The following PLGRKT variants were observed in gnomAD, a reference collection of about 807,000 sequenced individuals.
The protein encoded by PLGRKT is plasminogen receptor with a C-terminal lysine.
PLGRKT carries 22 observed loss-of-function variants against 18.5 expected under a neutral mutation model. The observed-to-expected ratio is 1.19, with a 90% CI of 0.85 to 1.70. The LOEUF (loss-of-function observed/expected upper bound fraction) is 1.70, where lower values mean the gene tolerates loss of function less well. Among genes scored for constraint, PLGRKT ranks in the 40% most tolerant of loss-of-function variants. The pLI is 0.00. For synonymous variants in PLGRKT, 72 were observed against 52.8 expected, an observed-to-expected ratio of 1.36 and a Z score of -1.58; for missense variants, 235 against 174.4, an observed-to-expected ratio of 1.35 and a Z score of -1.96.
chr9:5,400,927 G>GT (rs1336133660), intron 3 of PLGRKT, among the ~76,000 whole-genome samples: 2 of 151,916 alleles, frequency 1.3e-5, no homozygotes, highest in East Asian at 3.8e-4. Flanking sequence ...ATGCCTAAGT[G>GT]TAAGGGTAAG....
intron 3 of PLGRKT, among the ~76,000 whole-genome samples, chr9:5,401,953 T>G (rs899066756): frequency 6.6e-6 from 1 of 151,662 alleles, no homozygotes; most frequent in African/African-American, 2.4e-5. Context: ...ATGTTTAGTG[T>G]GGATTTTTTT....
intron 3 of PLGRKT, among the ~76,000 whole-genome samples, chr9:5,429,688 A>T (rs12335721): frequency 0.03 from 4,546 of 152,266 alleles, 202 homozygotes; most frequent in African/African-American, 0.1. Flanking sequence ...CCTCATTTTA[A>T]CTTGATTACC....
At position 5,436,664 on chromosome 9, in the gene PLGRKT, GGAA is replaced by G. The variant is rs1473090655; in HGVS notation, c.-105_-103del. 2 of 152,198 alleles carry G rather than the reference GGAA, an allele frequency of 1.3e-5. No individual in the cohort carries two copies. The highest frequency in any genetic ancestry group is 2.9e-5 in the Non-Finnish European group (2 of 68,048). 9.4% of individuals were successfully genotyped at this position (152,198 alleles called of 1,614,324 possible). ...AAGGGTTAAAGGTGGAAGCCAAGCAGGAAGAAGAGCTTCCTTATGGGAAACCAC... is the reference window on the plus strand; with the variant it reads ...AAGGGTTAAAGGTGGAAGCCAAGCAGGAAGAGCTTCCTTATGGGAAACCAC... On this transcript the variant is annotated 5_prime_UTR_variant, in exon 2 of 6. Transcript: ENST00000223864.
chr9:5,436,720 C>A (rs1329546179), intron 1 of PLGRKT, 26 bp from the exon 2 acceptor site: 1 of 152,160 alleles, frequency 6.6e-6, no homozygotes, highest in African/African-American at 2.4e-5. Flanking sequence ...TGCATCACAC[C>A]TTGTAAATTT....
At chr9:5,403,003 G>A (rs559218534) in intron 3 of PLGRKT, among the ~76,000 whole-genome samples, 1 of 151,880 alleles carries the variant, frequency 6.6e-6, no homozygotes, top group South Asian at 2.1e-4. Context: ...AACCCTAGCA[G>A]GAAAAATAGT....
At chr9:5,367,096 G>T (rs1462799857) in intron 3 of PLGRKT, among the ~76,000 whole-genome samples, 1 of 146,956 alleles carries the variant, frequency 6.8e-6, no homozygotes, top group African/African-American at 2.5e-5. Flanking sequence ...ATCAGAGACA[G>T]CACAAACAAA....
intron 3 of PLGRKT, among the ~76,000 whole-genome samples, chr9:5,426,741 G>C (rs1818709494): frequency 6.6e-6 from 1 of 152,138 alleles, no homozygotes; most frequent in Admixed American, 6.5e-5. Context: ...TCCCAGAGTT[G>C]TGTTTGCAGT....
At position 5,431,767 on chromosome 9, in the gene PLGRKT, C is replaced by T. The variant is rs1029083665; in HGVS notation, c.81+130G>A. On this transcript the variant is annotated intron_variant, in intron 3 of 5. Transcript: ENST00000223864. The stretch of plus-strand genomic sequence containing the variant: ...CCAGATAATTAGTAAGCCATTTTAT[C>T]TTGGTTTTAAGGATGCAGCCCAAAG... 5.1e-6 allele frequency: 3 copies of T among 590,580 alleles called. No homozygotes were observed. In the African/African-American group the frequency reaches 5.6e-5, roughly 11 times the overall value. 36.6% of individuals were successfully genotyped at this position (590,580 alleles called of 1,614,324 possible).
intron 3 of PLGRKT, among the ~76,000 whole-genome samples, chr9:5,424,379 A>T (rs1159157287): frequency 1.5e-5 from 2 of 132,524 alleles, no homozygotes; most frequent in East Asian, 3.9e-4. Flanking sequence ...GTAATAATAT[A>T]TAACATATTA....
At chr9:5,412,022 C>T (rs918618455) in intron 3 of PLGRKT, among the ~76,000 whole-genome samples, 13 of 152,092 alleles carry the variant, frequency 8.5e-5, no homozygotes, top group African/African-American at 3.1e-4. Context: ...AGAAAAACTA[C>T]AATGGTATAG....
At chr9:5,369,060 G>C (rs1237966495) in intron 3 of PLGRKT, among the ~76,000 whole-genome samples, 1 of 152,144 alleles carries the variant, frequency 6.6e-6, no homozygotes, top group Non-Finnish European at 1.5e-5. Context: ...AGGACTTCAT[G>C]ACTAAAACAC....
chr9:5,381,070 G>C (rs1033254995), intron 3 of PLGRKT, among the ~76,000 whole-genome samples: 2 of 152,150 alleles, frequency 1.3e-5, no homozygotes, highest in Non-Finnish European at 2.9e-5. Flanking sequence ...AGTTTCCTGA[G>C]GCCTCCCCAG....
intron 5 of PLGRKT, among the ~76,000 whole-genome samples, chr9:5,358,823 C>G (rs1394818227): frequency 6.6e-6 from 1 of 152,100 alleles, no homozygotes; most frequent in Admixed American, 6.6e-5. Context: ...ATTAAATGTT[C>G]TTCAGTCTGT....
At chr9:5,415,167 G>A (rs1395352610) in intron 3 of PLGRKT, among the ~76,000 whole-genome samples, 1 of 152,012 alleles carries the variant, frequency 6.6e-6, no homozygotes. Flanking sequence ...AAAAGAAGCA[G>A]GTACTCAAAA....
intron 3 of PLGRKT, among the ~76,000 whole-genome samples, chr9:5,409,656 C>G (rs572827097): frequency 1.3e-5 from 2 of 152,318 alleles, no homozygotes; most frequent in South Asian, 4.1e-4. Flanking sequence ...TGCAAAGCCA[C>G]AGGGATGGAG....
At chr9:5,377,447 G>A (rs1408074711) in intron 3 of PLGRKT, among the ~76,000 whole-genome samples, 1 of 152,086 alleles carries the variant, frequency 6.6e-6, no homozygotes. Context: ...TGACATAAGA[G>A]ACTATTCATT....
At chr9:5,368,418 C>G (rs565934808) in intron 3 of PLGRKT, among the ~76,000 whole-genome samples, 1 of 152,140 alleles carries the variant, frequency 6.6e-6, no homozygotes, top group Non-Finnish European at 1.5e-5. Context: ...GGAATTAAAT[C>G]ATATCCTTTG....
At chr9:5,362,028 C>G (rs2236320) in intron 3 of PLGRKT, 140 bp from the exon 4 acceptor site, 2 of 789,862 alleles carry the variant, frequency 2.5e-6, no homozygotes, top group East Asian at 5.4e-5. Context: ...CAGACTTTGA[C>G]TAAAGTTCCT....
chr9:5,395,941 T>G (rs1196677083), intron 3 of PLGRKT, among the ~76,000 whole-genome samples: 2 of 147,608 alleles, frequency 1.4e-5, no homozygotes, highest in African/African-American at 5.0e-5. Context: ...TTGCCCAGAC[T>G]GGCGTGAGGT....
Sources: allele counts gnomAD v4.1 joint callset (sites outside exome capture counted in the v4.1 genomes callset), GRCh38; gene constraint gnomAD v4.1.1; transcripts MANE v1.5; gene names NCBI Gene and HGNC (gene_info 2026-07-23, HGNC 2026-07-21).